Variants in DZANK1 observed in about 807,000 individuals in gnomAD.
The protein encoded by DZANK1 is double zinc ribbon and ankyrin repeat domains 1.
DZANK1 carries 91 observed loss-of-function variants against 94.5 expected under a neutral mutation model. That is an observed-to-expected ratio of 0.96 (90% CI 0.81 to 1.15). The LOEUF is 1.15. Ranked by LOEUF, DZANK1 falls within the 50% of genes most tolerant of loss-of-function variation. DZANK1 has a pLI of 0.00. For missense variants in DZANK1, 903 were observed against 916.4 expected (o/e 0.99, Z 0.19); for synonymous variants, 312 against 325.3 (o/e 0.96, Z 0.44).
intron 4 of DZANK1, 88 bp downstream of exon 4, chr20:18,455,159 A>T: frequency 1.1e-6 from 1 of 884,324 alleles, no homozygotes; most frequent in Non-Finnish European, 1.8e-6. Context: ...GAGCAGAGGT[A>T]AGGTAATAAA....
rs191460055 is a variant in DZANK1, at chr20:18,394,633, C to A, written c.1612-283G>T. The A allele has an allele frequency of 4.6e-5, 28 of 605,250 alleles. No individual in the cohort carries two copies. In the East Asian group the frequency reaches 9.4e-4, roughly 20 times the overall value. 37.5% of individuals were successfully genotyped at this position (605,250 alleles called of 1,614,324 possible). A position where few individuals can be genotyped will look rare whatever the true frequency, so the allele number is the denominator to read the frequency against. ...TGGGACCATCACAATAGCCTTTCAA[C>A]AGGGGTCTGCCAGCCTCCCTGCATG... On this transcript the variant is annotated intron_variant, in intron 15 of 20. Coordinates refer to ENST00000262547, the Ensembl canonical transcript of DZANK1.
At chr20:18,404,070 C>T (rs1003979914) in intron 13 of DZANK1, among the ~76,000 whole-genome samples, 4 of 151,972 alleles carry the variant, frequency 2.6e-5, no homozygotes, top group African/African-American at 7.2e-5. Context: ...GGATTACAGG[C>T]GTGAGCCACC....
intron 10 of DZANK1, among the ~76,000 whole-genome samples, chr20:18,425,096 G>C (rs2057979031): frequency 6.6e-6 from 1 of 152,304 alleles, no homozygotes; most frequent in East Asian, 1.9e-4. Flanking sequence ...CTTCATTGTG[G>C]TGGTAGTTAA....
intron 6 of DZANK1, among the ~76,000 whole-genome samples, chr20:18,450,362 G>A (rs550165256): frequency 7.2e-5 from 11 of 152,134 alleles, no homozygotes; most frequent in African/African-American, 2.4e-4. Flanking sequence ...AATAGTCTGG[G>A]CAACATAGTG....
chr20:18,448,990 A>C (rs200566108), exon 7 of DZANK1: 1 of 1,613,092 alleles, frequency 6.2e-7, no homozygotes, highest in African/African-American at 1.3e-5. Context: ...TTACTTGAGA[A>C]AGTCTGTCTC....
At chr20:18,436,235 A>AT (rs2058515146) in intron 8 of DZANK1, among the ~76,000 whole-genome samples, 1 of 152,148 alleles carries the variant, frequency 6.6e-6, no homozygotes, top group African/African-American at 2.4e-5. Flanking sequence ...GACAGAAATT[A>AT]TTTTTTTAAA....
intron 14 of DZANK1, chr20:18,398,285 G>A (rs1002809860): frequency 2.0e-6 from 1 of 500,974 alleles, no homozygotes; most frequent in Non-Finnish European, 3.6e-6. Flanking sequence ...CTGAGCATGA[G>A]ATGTTCAGAA....
chr20:18,440,626 A>G (rs1357133147), intron 8 of DZANK1, among the ~76,000 whole-genome samples: 1 of 151,774 alleles, frequency 6.6e-6, no homozygotes, highest in Non-Finnish European at 1.5e-5. Context: ...ACCACCCACA[A>G]CCCCCTGTGA....
chr20:18,432,730 C>T (rs6105921), intron 9 of DZANK1: 55,119 of 151,970 alleles, frequency 0.36, 10,808 homozygotes, highest in Middle Eastern at 0.46. Flanking sequence ...TTTTTTAATC[C>T]CCCAAATTCC....
At chr20:18,459,030 ACT>A (rs1293365079) in intron 3 of DZANK1, among the ~76,000 whole-genome samples, 3 of 152,080 alleles carry the variant, frequency 2.0e-5, no homozygotes, top group Non-Finnish European at 4.4e-5. Context: ...CTTATTTTTT[ACT>A]CTCTCTTGAA....
intron 13 of DZANK1, among the ~76,000 whole-genome samples, chr20:18,406,871 A>G (rs1388497948): frequency 6.6e-6 from 1 of 152,126 alleles, no homozygotes; most frequent in Non-Finnish European, 1.5e-5. Flanking sequence ...CTAACAGAAG[A>G]GCCTTTGGGC....
intron 3 of DZANK1, among the ~76,000 whole-genome samples, chr20:18,457,849 G>C (rs911687850): frequency 6.6e-6 from 1 of 152,144 alleles, no homozygotes; most frequent in African/African-American, 2.4e-5. Context: ...TAAAAATCAT[G>C]GGCCCTATTA....
At chr20:18,395,442 A>G (rs939646033) in intron 15 of DZANK1, among the ~76,000 whole-genome samples, 2 of 152,348 alleles carry the variant, frequency 1.3e-5, no homozygotes, top group South Asian at 2.1e-4. Flanking sequence ...TGAGATAGCT[A>G]GCACATTGGA....
At chr20:18,414,617 C>T in intron 11 of DZANK1, 105 bp from the exon 12 acceptor site, 2 of 1,320,330 alleles carry the variant, frequency 1.5e-6, no homozygotes, top group East Asian at 2.5e-5. Flanking sequence ...TCTGACCCAG[C>T]CATTCTACCT....
At chr20:18,429,795 T>A (rs756124935) in intron 9 of DZANK1, among the ~76,000 whole-genome samples, 69 of 152,254 alleles carry the variant, frequency 4.5e-4, no homozygotes, top group Admixed American at 5.2e-4. Flanking sequence ...TTTGACACCA[T>A]GCCATGGCTC....
At chr20:18,395,054 C>T (rs2056260331) in intron 15 of DZANK1, among the ~76,000 whole-genome samples, 1 of 152,190 alleles carries the variant, frequency 6.6e-6, no homozygotes, top group South Asian at 2.1e-4. Flanking sequence ...AACATGCAGG[C>T]TAACAAAAGA....
At chr20:18,439,813 C>A (rs1021289610) in intron 8 of DZANK1, among the ~76,000 whole-genome samples, 1 of 152,116 alleles carries the variant, frequency 6.6e-6, no homozygotes, top group Non-Finnish European at 1.5e-5. Context: ...GGTATCAACC[C>A]CACTCCAACT....
At chr20:18,449,387 T>C (rs1163612704) in intron 6 of DZANK1, among the ~76,000 whole-genome samples, 1 of 152,034 alleles carries the variant, frequency 6.6e-6, no homozygotes, top group African/African-American at 2.4e-5. Flanking sequence ...AAATAAAAAA[T>C]CATTATGAGT....
chr20:18,423,217 G>A (rs2148524572), intron 10 of DZANK1, among the ~76,000 whole-genome samples: 1 of 152,262 alleles, frequency 6.6e-6, no homozygotes, highest in Admixed American at 6.5e-5. Flanking sequence ...ATCTAGGTTT[G>A]TGAAAGTACT....
Sources: allele counts gnomAD v4.1 joint callset (sites outside exome capture counted in the v4.1 genomes callset), GRCh38; gene constraint gnomAD v4.1.1; transcripts MANE v1.5; gene names NCBI Gene and HGNC (gene_info 2026-07-23, HGNC 2026-07-21).